Variants in ZBTB8B observed in about 807,000 individuals in gnomAD.
The protein encoded by ZBTB8B is zinc finger and BTB domain containing 8B.
In ZBTB8B, 17 loss-of-function variants were observed where a neutral mutation model predicts 30.3. That is an observed-to-expected ratio of 0.56 (90% confidence interval 0.38 to 0.84). The LOEUF (loss-of-function observed/expected upper bound fraction) is 0.84. Ranked by LOEUF, ZBTB8B falls within the 40% of genes least tolerant of loss-of-function variation. The pLI is 0.00. For synonymous variants in ZBTB8B, 248 were observed against 255.6 expected, an observed-to-expected ratio of 0.97 and a Z score of 0.28; for missense variants, 515 against 644.9, an observed-to-expected ratio of 0.80 and a Z score of 2.18.
chr1:32,493,836 C>T lies in ZBTB8B; in HGVS notation c.*8418C>T, dbSNP rs1166563161. 1 of 152,114 alleles carries T rather than the reference C, an allele frequency of 6.6e-6. No homozygotes were observed. The highest frequency in any genetic ancestry group is 1.5e-5 in the Non-Finnish European group (1 of 68,036). The allele number at this position is 152,114 out of a possible 1,614,324, so 9.4% of individuals were successfully genotyped here. On this transcript the variant is annotated 3_prime_UTR_variant, in exon 4 of 4. Transcript: ENST00000609129. ...ATTATGTTGATCCAGTGTACTGTGA[C>T]AGATGGGGAGGAGCCCCACTGCATC...
At position 32,471,076 on chromosome 1, in the gene ZBTB8B, C is replaced by G; in HGVS notation, c.452C>G (p.Ala151Gly). 1 of 1,549,516 alleles carries G rather than the reference C, an allele frequency of 6.5e-7. No homozygotes were observed. The highest frequency in any genetic ancestry group is 8.7e-7 in the Non-Finnish European group (1 of 1,146,232). ...AAAAAAAAAAAAAHQVDSESP... is the reference protein window; with the variant it reads ...AAAAAAAAAAGAAHQVDSESP... ...GCGGCGGCTGCAGCGGCGGCAGCAG[C>G]GGCGGCTCATCAGGTTGACAGTGAA... Residue 151 changes from alanine to glycine, a missense_variant, in exon 2 of 4, where the codon GCG (alanine) becomes GGG (glycine). Physicochemically the swap from Ala to Gly is moderately conservative, Grantham distance 60. Transcript: ENST00000609129.
intron 2 of ZBTB8B, among the ~76,000 whole-genome samples, chr1:32,477,886 G>A (rs1216021342): frequency 6.6e-6 from 1 of 151,528 alleles, no homozygotes; most frequent in Non-Finnish European, 1.5e-5. Flanking sequence ...GTGAAACCTC[G>A]GTCTCTACTA....
At chr1:32,483,347 C>T (rs1643721521) in intron 3 of ZBTB8B, among the ~76,000 whole-genome samples, 1 of 150,496 alleles carries the variant, frequency 6.6e-6, no homozygotes, top group Admixed American at 6.6e-5. Flanking sequence ...ATTGCTTGAA[C>T]CTGGGAGGCG....
chr1:32,495,432 C>T lies in ZBTB8B; in HGVS notation c.*10014C>T, dbSNP rs528963633. The T allele has an allele frequency of 6.6e-6, 1 of 152,132 alleles. No homozygotes were observed. The highest frequency in any genetic ancestry group is 1.9e-4 in the East Asian group (1 of 5,190). The allele number at this position is 152,132 out of a possible 1,614,324, so 9.4% of individuals were successfully genotyped here. Reference sequence around the variant, plus strand: ...AATTAACTTAGGGCCATCAAAAATGCAAATTATCTTTAATTTGGTTAAATC... The same window carrying T: ...AATTAACTTAGGGCCATCAAAAATGTAAATTATCTTTAATTTGGTTAAATC... On this transcript the variant is annotated 3_prime_UTR_variant, in exon 4 of 4. Transcript: ENST00000609129.
Position 32,471,078 on chromosome 1 carries a change from G to A in ZBTB8B, c.454G>A (p.Ala152Thr). ...GGCGGCTGCAGCGGCGGCAGCAGCG[G>A]CGGCTCATCAGGTTGACAGTGAAAG... ...AAAAAAAAAA[A>T]AHQVDSESPS... The change falls in exon 2 of 4, where the codon GCG (alanine) becomes ACG (threonine). Residue 152 changes from alanine (A) to threonine (T), a missense_variant. Ala to Thr is a moderately conservative substitution (Grantham distance 58, BLOSUM62 0). Transcript: ENST00000609129. 6.5e-7 allele frequency: 1 copy of A among 1,549,954 alleles called. No homozygotes were observed. The highest frequency in any genetic ancestry group is 8.7e-7 in the Non-Finnish European group (1 of 1,146,312).
rs1408602675 is a variant in ZBTB8B at position 32,492,000 on chromosome 1, A to T, written c.*6582A>T. 1 of 152,214 alleles carries T rather than the reference A, an allele frequency of 6.6e-6. No individual in the cohort carries two copies. The highest frequency in any genetic ancestry group is 1.5e-5 in the Non-Finnish European group (1 of 68,046). The allele number at this position is 152,214 out of a possible 1,614,324, so 9.4% of individuals were successfully genotyped here. A position where few individuals can be genotyped will look rare whatever the true frequency, so the allele number is the denominator to read the frequency against. On this transcript the variant is annotated 3_prime_UTR_variant, in exon 4 of 4. Transcript: ENST00000609129. ...CCAGAGGAATTTCCTAGTAAAATAT[A>T]ACCCACCCTAACTCATTTTTCCTTT...
chr1:32,471,489 G>A lies in ZBTB8B; in HGVS notation c.865G>A (p.Ala289Thr), dbSNP rs1264791496. ...QFLEALLRNS[A>T]APSKDDADHH... ...CCTGGAGGCGCTCTTGCGCAACAGC[G>A]CTGCCCCGAGCAAGGATGATGCAGA... Residue 289 changes from alanine to threonine, a missense_variant, in exon 2 of 4, where the codon GCT becomes ACT. Ala to Thr is a moderately conservative substitution (Grantham distance 58). Around this residue, in one of 3 missense-constraint regions of ZBTB8B, gnomAD observed 429 missense variants for 504.3 expected, o/e 0.85. Transcript: ENST00000609129. 3 of 1,551,840 alleles carry A rather than the reference G, an allele frequency of 1.9e-6. No individual in the cohort carries two copies. The highest frequency in any genetic ancestry group is 2.6e-6 in the Non-Finnish European group (3 of 1,147,024).
At chr1:32,467,954 A>G (rs1643585282) in intron 1 of ZBTB8B, among the ~76,000 whole-genome samples, 1 of 151,878 alleles carries the variant, frequency 6.6e-6, no homozygotes, top group Non-Finnish European at 1.5e-5. Flanking sequence ...CTCTACCAAA[A>G]GTACAAAAAA....
chr1:32,480,373 A>G (rs1643695485), intron 2 of ZBTB8B, among the ~76,000 whole-genome samples: 1 of 152,184 alleles, frequency 6.6e-6, no homozygotes, highest in African/African-American at 2.4e-5. Context: ...AACCAGTCCT[A>G]TCATTAGGGC....
intron 1 of ZBTB8B, among the ~76,000 whole-genome samples, chr1:32,470,345 A>C (rs1643605825): frequency 6.6e-6 from 1 of 151,744 alleles, no homozygotes; most frequent in South Asian, 2.1e-4. Context: ...CTAAATATAC[A>C]AAAAATTTGC....
rs1452559726 is a variant in ZBTB8B, at chr1:32,486,404, T to C, written c.*986T>C. 1 of 152,320 alleles carries C rather than the reference T, an allele frequency of 6.6e-6. No individual in the cohort carries two copies. Among genetic ancestry groups the C allele is most frequent in the African/African-American group, 2.4e-5 (1 of 41,456 alleles). The allele number at this position is 152,320 out of a possible 1,614,324, so 9.4% of individuals were successfully genotyped here. ...ACAGCAGCTTGTATTGAAGCAGCAGTGCCCAACAGCAGCTAAGGGGCCGCT... is the reference window on the plus strand; with the variant it reads ...ACAGCAGCTTGTATTGAAGCAGCAGCGCCCAACAGCAGCTAAGGGGCCGCT... On this transcript the variant is annotated 3_prime_UTR_variant, in exon 4 of 4. Transcript: ENST00000609129.
At chr1:32,468,556 A>C (rs927002313) in intron 1 of ZBTB8B, among the ~76,000 whole-genome samples, 11 of 152,186 alleles carry the variant, frequency 7.2e-5, no homozygotes, top group African/African-American at 2.7e-4. Context: ...TCAAAGCCGA[A>C]AAAAGGCACT....
intron 1 of ZBTB8B, 58 bp from the exon 2 acceptor site, chr1:32,470,526 A>AAT: frequency 3.9e-6 from 4 of 1,035,276 alleles, no homozygotes; most frequent in Non-Finnish European, 5.2e-6. Context: ...AAAAAAAAAA[A>AAT]GAAATCTTGT....
rs1385094049 is a variant in ZBTB8B, at chr1:32,496,012, T to C, written c.*10594T>C. 1 of 152,216 alleles carries C rather than the reference T, an allele frequency of 6.6e-6. No individual in the cohort carries two copies. The highest frequency in any genetic ancestry group is 1.5e-5 in the Non-Finnish European group (1 of 68,036). 9.4% of individuals were successfully genotyped at this position (152,216 alleles called of 1,614,324 possible). ...AGGGCAATTATTTTATATAAAATTC[T>C]AATGGAGAATTTTATGGACAAGATT... is the stretch of plus-strand genomic sequence containing the variant. On this transcript the variant is annotated 3_prime_UTR_variant, in exon 4 of 4. Coordinates refer to ENST00000609129, the MANE Select transcript of ZBTB8B (RefSeq NM_001145720.2).
Position 32,471,295 on chromosome 1 carries a change from C to T in ZBTB8B, c.671C>T (p.Pro224Leu). Residue 224 changes from proline to leucine, a missense_variant, in exon 2 of 4, where the codon CCC becomes CTC. By Grantham distance (98) the Pro-to-Leu change is moderately conservative. Around this residue, in one of 3 missense-constraint regions of ZBTB8B, gnomAD observed 429 missense variants for 504.3 expected, o/e 0.85. Coordinates refer to ENST00000609129, the MANE Select transcript of ZBTB8B (RefSeq NM_001145720.2). Reference sequence around the variant, plus strand: ...GCTGACAGCAACCTCTCTACTCCACCCAAACGGATAGAGCCCAAGGTGGAA... The same window carrying T: ...GCTGACAGCAACCTCTCTACTCCACTCAAACGGATAGAGCCCAAGGTGGAA... ...GSADSNLSTP[P>L]KRIEPKVEFD... 1 of 1,551,802 alleles carries T rather than the reference C, an allele frequency of 6.4e-7. No homozygotes were observed. The highest frequency in any genetic ancestry group is 8.7e-7 in the Non-Finnish European group (1 of 1,147,004).
At position 32,470,844 on chromosome 1, in the gene ZBTB8B, G is replaced by C. The variant is rs1425880505; in HGVS notation, c.220G>C (p.Asp74His). 7 of 1,551,912 alleles carry C rather than the reference G, an allele frequency of 4.5e-6. No individual in the cohort carries two copies. The highest frequency in any genetic ancestry group is 6.1e-6 in the Non-Finnish European group (7 of 1,147,046). The change falls in exon 2 of 4, where the codon GAT becomes CAT. Residue 74 changes from aspartate to histidine, a missense_variant. By Grantham distance (81) the Asp-to-His change is moderately conservative. This residue lies in a region of ZBTB8B where 61 missense variants were observed against 117.7 expected (regional missense o/e 0.52). Coordinates refer to ENST00000609129, the MANE Select transcript of ZBTB8B (RefSeq NM_001145720.2). Reference protein sequence around the residue: ...STASLDIVTSDAFSIILDFLY... With the variant: ...STASLDIVTSHAFSIILDFLY... ...CGCCTCCTTGGACATTGTCACCTCT[G>C]ATGCCTTCTCCATCATCTTAGATTT...
rs1643804737 is a variant in ZBTB8B, at chr1:32,494,764, A to C, written c.*9346A>C. On this transcript the variant is annotated 3_prime_UTR_variant, in exon 4 of 4. Transcript: ENST00000609129. ...CAAAAGTAAAAATATATATATTATT[A>C]ACTTGAAGTGATTTTTTCCAACCTC... 6.6e-6 allele frequency: 1 copy of C among 152,148 alleles called. No homozygotes were observed. The highest frequency in any genetic ancestry group is 1.5e-5 in the Non-Finnish European group (1 of 68,026). The allele number at this position is 152,148 out of a possible 1,614,324, so 9.4% of individuals were successfully genotyped here.
rs554644747 is a variant in ZBTB8B at position 32,484,127 on chromosome 1, G to C, written c.1171-974G>C. Among the ~76,000 whole-genome samples the C allele has an allele frequency of 6.6e-6, 1 of 151,872 alleles. No homozygotes were observed. Among genetic ancestry groups the C allele is most frequent in the East Asian group, 1.9e-4 (1 of 5,174 alleles). ...GGAGGCTGGAGGGGGAGGATCGCTT[G>C]AGCCCAGGAGTTCAGGGCTTTAGTA... On this transcript the variant is annotated intron_variant, in intron 3 of 3. Coordinates refer to ENST00000609129, the MANE Select transcript of ZBTB8B (RefSeq NM_001145720.2). This position sits in a 1 kb window ranked among gnomAD's most constrained non-coding sequence, Gnocchi z 4.5.
In ZBTB8B at chr1:32,489,405, G is replaced by A. The variant is rs1000279917; in HGVS notation, c.*3987G>A. 7.9e-5 allele frequency: 12 copies of A among 152,176 alleles called. No homozygotes were observed. Among genetic ancestry groups the A allele is most frequent in the Non-Finnish European group, 2.9e-5 (2 of 68,026 alleles). The allele number at this position is 152,176 out of a possible 1,614,324, so 9.4% of individuals were successfully genotyped here. On this transcript the variant is annotated 3_prime_UTR_variant, in exon 4 of 4. Transcript: ENST00000609129. ...TTGCATTTCTGGTGGACTATTTGGA[G>A]TTTGTGTATAGGCACTGGCAATAAC...
Sources: allele counts gnomAD v4.1 joint callset (sites outside exome capture counted in the v4.1 genomes callset), GRCh38; gene constraint gnomAD v4.1.1; regional missense constraint gnomAD v4.1.1; non-coding constraint Gnocchi (gnomAD v3.1); transcripts MANE v1.5; gene names NCBI Gene and HGNC (gene_info 2026-07-23, HGNC 2026-07-21).